Variants in CERS1 observed in about 807,000 individuals in gnomAD.
CERS1 encodes the protein ceramide synthase 1.
In CERS1, 16 loss-of-function variants were observed where a neutral mutation model predicts 35.7. The observed-to-expected ratio is 0.45, with a 90% CI of 0.30 to 0.68. The LOEUF is 0.68. CERS1 is among the 30% of genes least tolerant of loss of function. The pLI is 0.08. For missense variants in CERS1, 454 were observed against 453.9 expected (o/e 1.00, Z 0.00); for synonymous variants, 243 against 201.6 (o/e 1.21, Z -1.74).
intron 2 of CERS1, among the ~76,000 whole-genome samples, chr19:18,887,961 T>C (rs2056400966): frequency 2.0e-5 from 3 of 152,124 alleles, no homozygotes. Flanking sequence ...TCTGTCTCTA[T>C]GAGTGGGATG....
chr19:18,895,801 T>C lies in CERS1; in HGVS notation c.249+23A>G. 1 of 1,195,070 alleles carries C rather than the reference T, an allele frequency of 8.4e-7. No homozygotes were observed. The highest frequency in any genetic ancestry group is 1.0e-6 in the Non-Finnish European group (1 of 954,152). The allele number at this position is 1,195,070 out of a possible 1,614,324, so 74.0% of individuals were successfully genotyped here. On this transcript the variant is annotated intron_variant, in intron 1 of 7. Coordinates refer to ENST00000623882, the MANE Select transcript of CERS1 (RefSeq NM_021267.5). This position sits in a 1 kb window ranked among gnomAD's most constrained non-coding sequence, Gnocchi z 6.4. ...CTTCCCCCAGTCCGGGGTCCCCTCGTCCCGGCCCCCGGCCACACTGACCCG... is the reference window on the plus strand; with the variant it reads ...CTTCCCCCAGTCCGGGGTCCCCTCGCCCCGGCCCCCGGCCACACTGACCCG...
In CERS1 at chr19:18,878,632, G is replaced by A. The variant is rs1169421295; in HGVS notation, c.1010+298C>T. 9.5e-5 allele frequency: 115 copies of A among 1,206,318 alleles called. No homozygotes were observed. The highest frequency in any genetic ancestry group is 1.4e-4 in the South Asian group (7 of 50,312). The allele number at this position is 1,206,318 out of a possible 1,614,324, so 74.7% of individuals were successfully genotyped here. ...CTCACCACCCACAGGGCCCTGGCTC[G>A]CCACTCCCGCCACACCAGCCACTAG... is the stretch of plus-strand genomic sequence containing the variant. On this transcript the variant is annotated intron_variant, in intron 6 of 7. Transcript: ENST00000623882. The surrounding 1 kb of genome is among the most constrained non-coding windows in gnomAD (Gnocchi z 4.6).
Position 18,878,878 on chromosome 19 carries a change from G to C in CERS1, c.1010+52C>G. The C allele has an allele frequency of 1.3e-6, 2 of 1,597,664 alleles. No individual in the cohort carries two copies. Among genetic ancestry groups the C allele is most frequent in the Non-Finnish European group, 1.7e-6 (2 of 1,172,848 alleles). On this transcript the variant is annotated intron_variant, in intron 6 of 7. Coordinates refer to ENST00000623882, the MANE Select transcript of CERS1 (RefSeq NM_021267.5). The surrounding 1 kb of genome is among the most constrained non-coding windows in gnomAD (Gnocchi z 4.6). Reference sequence around the variant, plus strand: ...GGGGGCCTGCCCACGAACACGCTTGGACGGGTGACACTAAAGGAGGGAACG... The same window carrying C: ...GGGGGCCTGCCCACGAACACGCTTGCACGGGTGACACTAAAGGAGGGAACG...
intron 2 of CERS1, among the ~76,000 whole-genome samples, chr19:18,886,391 T>C (rs1403730529): frequency 6.6e-6 from 1 of 151,878 alleles, no homozygotes; most frequent in East Asian, 1.9e-4. Flanking sequence ...CTACTAAAAA[T>C]ACAAAAAATT....
At chr19:18,872,042 T>C (rs1024380214) in intron 6 of CERS1, among the ~76,000 whole-genome samples, 1 of 152,240 alleles carries the variant, frequency 6.6e-6, no homozygotes, top group Non-Finnish European at 1.5e-5. Flanking sequence ...GTGCTTTCCA[T>C]TCCTGCCCTC....
intron 2 of CERS1, among the ~76,000 whole-genome samples, chr19:18,892,647 C>T (rs1292403808): frequency 6.6e-6 from 1 of 152,032 alleles, no homozygotes; most frequent in Admixed American, 6.6e-5. Flanking sequence ...CAGAACAGAA[C>T]TCAAGCTGCT....
At chr19:18,874,573 G>C (rs2056029113) in intron 6 of CERS1, among the ~76,000 whole-genome samples, 1 of 152,242 alleles carries the variant, frequency 6.6e-6, no homozygotes, top group South Asian at 2.1e-4. Flanking sequence ...AGAGGTGAGA[G>C]TGTCTCAACG....
chr19:18,880,189 C>T, intron 4 of CERS1, 85 bp downstream of exon 4: 1 of 1,387,164 alleles, frequency 7.2e-7, no homozygotes, highest in Middle Eastern at 2.6e-4. Context: ...CCGCCTCCTT[C>T]CCTGCCTGGT....
intron 6 of CERS1, among the ~76,000 whole-genome samples, chr19:18,871,135 T>C (rs1305889131): frequency 4.6e-5 from 7 of 151,756 alleles, no homozygotes; most frequent in Non-Finnish European, 1.0e-4. Context: ...AGGCTAGAGC[T>C]GTGGCACAAC....
chr19:18,890,687 G>A (rs1057217779), intron 2 of CERS1, among the ~76,000 whole-genome samples: 1 of 151,622 alleles, frequency 6.6e-6, no homozygotes, highest in Non-Finnish European at 1.5e-5. Flanking sequence ...AGGCTGAGGT[G>A]GGATGATTGC....
At chr19:18,880,494 C>T in intron 3 of CERS1, 59 bp from the exon 4 acceptor site, 1 of 1,477,350 alleles carries the variant, frequency 6.8e-7, no homozygotes, top group Non-Finnish European at 9.1e-7. Context: ...CTCCACTCTG[C>T]ACTAAGGCCC....
At chr19:18,894,685 C>T (rs2056582527) in intron 1 of CERS1, among the ~76,000 whole-genome samples, 1 of 152,104 alleles carries the variant, frequency 6.6e-6, no homozygotes, top group African/African-American at 2.4e-5. Context: ...AGGGAGGGGC[C>T]CTGGACAGCC....
In CERS1 at chr19:18,877,958, C is replaced by T. The variant is rs1045006506; in HGVS notation, c.1010+972G>A. The T allele has an allele frequency of 5.0e-5, 49 of 984,062 alleles. No homozygotes were observed. The African/African-American group carries it at 7.5e-4, about 15-fold the overall frequency. 61.0% of individuals were successfully genotyped at this position (984,062 alleles called of 1,614,324 possible). ...ATTTCTGTTTCATCTACACCCAAGG[C>T]GAATCTGATGGGTTCTCCCTTCCAA... On this transcript the variant is annotated intron_variant, in intron 6 of 7. Transcript: ENST00000623882.
intron 2 of CERS1, among the ~76,000 whole-genome samples, chr19:18,889,209 AG>A (rs1392960266): frequency 2.0e-5 from 3 of 152,124 alleles, no homozygotes; most frequent in Non-Finnish European, 4.4e-5. Context: ...GCCCTCTTCC[AG>A]AATTTCAATG....
chr19:18,876,154 T>G (rs1200955655), intron 6 of CERS1, among the ~76,000 whole-genome samples: 1 of 151,854 alleles, frequency 6.6e-6, no homozygotes, highest in Non-Finnish European at 1.5e-5. Context: ...CTGGATAATT[T>G]TTCGTATTTT....
rs138554632 is a variant in CERS1 at position 18,886,128 on chromosome 19, G to A, written c.410-1861C>T. The stretch of plus-strand genomic sequence containing the variant: ...CAAATTCAAGGGCTATGCTCTGGAC[G>A]GGCACGGTGGCTCATGCCTGTAATC... On this transcript the variant is annotated intron_variant, in intron 2 of 7. Transcript: ENST00000623882. 3.9e-3 allele frequency among the ~76,000 whole-genome samples: 588 copies of A among 150,218 alleles called. 11 individuals are homozygous for A. The highest frequency in any genetic ancestry group is 0.014 in the African/African-American group (543 of 39,560).
chr19:18,870,677 C>A lies in CERS1; in HGVS notation c.1011-58G>T. The stretch of plus-strand genomic sequence containing the variant: ...GAGCCCCACGCGGCCGCCTGGCCCT[C>A]TTTCCCGCTTCTTCTCTGGCCGTTT... On this transcript the variant is annotated intron_variant, in intron 6 of 7. Coordinates refer to ENST00000623882, the MANE Select transcript of CERS1 (RefSeq NM_021267.5). The surrounding 1 kb of genome is among the most constrained non-coding windows in gnomAD (Gnocchi z 5.1). The A allele has an allele frequency of 3.9e-6, 2 of 510,026 alleles. No individual in the cohort carries two copies. Among genetic ancestry groups the A allele is most frequent in the Non-Finnish European group, 3.6e-6 (1 of 281,494 alleles). The allele number at this position is 510,026 out of a possible 1,614,324, so 31.6% of individuals were successfully genotyped here.
At chr19:18,880,161 C>A in intron 4 of CERS1, 113 bp downstream of exon 4, 1 of 1,106,328 alleles carries the variant, frequency 9.0e-7, no homozygotes, top group Non-Finnish European at 1.3e-6. Flanking sequence ...TCATGCCACA[C>A]ACCCACCTCA....
At chr19:18,879,780 G>A (rs2056155352) in intron 4 of CERS1, among the ~76,000 whole-genome samples, 1 of 94,002 alleles carries the variant, frequency 1.1e-5, no homozygotes, top group African/African-American at 4.2e-5. Flanking sequence ...TCCCTGCCCA[G>A]TCCCTCCCCT....
Sources: allele counts gnomAD v4.1 joint callset (sites outside exome capture counted in the v4.1 genomes callset), GRCh38; gene constraint gnomAD v4.1.1; non-coding constraint Gnocchi (gnomAD v3.1); transcripts MANE v1.5; gene names NCBI Gene and HGNC (gene_info 2026-07-23, HGNC 2026-07-21).